The following OPN5 variants were observed in gnomAD, a reference collection of about 807,000 sequenced individuals.
OPN5 encodes opsin 5.
In OPN5, 18 loss-of-function variants were observed where a neutral mutation model predicts 41.7. The observed-to-expected ratio is 0.43, with a 90% CI of 0.30 to 0.64. The LOEUF is 0.64. OPN5 is among the 30% of genes least tolerant of loss of function. The pLI, the probability that OPN5 is intolerant of heterozygous loss-of-function variation, is 0.13. For missense variants in OPN5, 318 were observed against 434.5 expected, an observed-to-expected ratio of 0.73 and a Z score of 2.38; for synonymous variants, 178 against 164.3, an observed-to-expected ratio of 1.08 and a Z score of -0.64.
intron 6 of OPN5, chr6:47,823,469 G>A (rs73473772): frequency 0.27 from 42,453 of 155,196 alleles, 5,921 homozygotes; most frequent in South Asian, 0.29. Context: ...GGACAGATGT[G>A]CTGATCCCTG....
intron 2 of OPN5, 148 bp from the exon 3 acceptor site, chr6:47,791,654 A>G: frequency 1.6e-6 from 1 of 619,972 alleles, no homozygotes; most frequent in East Asian, 2.8e-5. Flanking sequence ...CTGGGCTTTT[A>G]TTAATCTAGG....
chr6:47,789,098 C>T (rs2113952146), intron 2 of OPN5, among the ~76,000 whole-genome samples: 1 of 152,194 alleles, frequency 6.6e-6, no homozygotes, highest in Non-Finnish European at 1.5e-5. Flanking sequence ...CAGATGTAAT[C>T]TTACTCCATT....
chr6:47,826,220 C>T (rs1762786705), downstream of OPN5: 1 of 152,102 alleles, frequency 6.6e-6, no homozygotes, highest in Non-Finnish European at 1.5e-5. Flanking sequence ...CCACCTCTTT[C>T]CTTCCCCATC....
At chr6:47,811,269 C>A (rs562535148) in intron 5 of OPN5, among the ~76,000 whole-genome samples, 12 of 152,262 alleles carry the variant, frequency 7.9e-5, no homozygotes, top group African/African-American at 2.9e-4. Context: ...GAGAACAAAG[C>A]TGCAAACTCT....
At chr6:47,822,352 A>C (rs1041372625) in intron 6 of OPN5, among the ~76,000 whole-genome samples, 5 of 152,174 alleles carry the variant, frequency 3.3e-5, no homozygotes, top group Admixed American at 3.3e-4. Context: ...GATGGTGGCT[A>C]GCAGGAAGAA....
At chr6:47,791,433 GCAA>G (rs1236703344) in intron 2 of OPN5, among the ~76,000 whole-genome samples, 4 of 152,150 alleles carry the variant, frequency 2.6e-5, no homozygotes, top group Admixed American at 6.5e-5. Context: ...ATGAAAGACT[GCAA>G]CAACATGTTA....
chr6:47,812,626 T>C (rs897135510), intron 6 of OPN5, among the ~76,000 whole-genome samples: 4 of 152,164 alleles, frequency 2.6e-5, no homozygotes, highest in South Asian at 2.1e-4. Context: ...GTAGATACTA[T>C]GTCCAAATAG....
chr6:47,821,377 G>A (rs1196307971), intron 6 of OPN5, among the ~76,000 whole-genome samples: 1 of 152,214 alleles, frequency 6.6e-6, no homozygotes, highest in Admixed American at 6.5e-5. Flanking sequence ...GACATGAAGA[G>A]GCAATCCCCG....
intron 2 of OPN5, among the ~76,000 whole-genome samples, chr6:47,791,135 A>G (rs528580466): frequency 2.0e-5 from 3 of 152,034 alleles, no homozygotes; most frequent in Non-Finnish European, 4.4e-5. Flanking sequence ...ATTTTCTGGA[A>G]GTTTTATTAT....
rs910218113 is a variant in OPN5 at position 47,801,681 on chromosome 6, G to A, written c.756+6118G>A. 3.6e-4 allele frequency among the ~76,000 whole-genome samples: 55 copies of A among 152,174 alleles called. 1 individual carries two copies. The highest frequency in any genetic ancestry group is 2.1e-4 in the South Asian group (1 of 4,812). On this transcript the variant is annotated intron_variant, in intron 4 of 6. Transcript: ENST00000371211. ...TACAATGTTTCATTGCAGCCTTTAC[G>A]TTATCTTCTTGGAACATATCACAAT...
intron 3 of OPN5, among the ~76,000 whole-genome samples, chr6:47,792,338 T>C (rs1261187459): frequency 3.3e-5 from 5 of 152,208 alleles, no homozygotes; most frequent in East Asian, 1.9e-4. Context: ...CTAGGAAGTG[T>C]AATTATAAGA....
chr6:47,803,028 T>C (rs902105381), intron 4 of OPN5, among the ~76,000 whole-genome samples: 8 of 152,184 alleles, frequency 5.3e-5, no homozygotes, highest in East Asian at 1.9e-4. Flanking sequence ...AGATGGAAGG[T>C]ACACCAAAGA....
chr6:47,795,782 A>T (rs200019198), intron 4 of OPN5, among the ~76,000 whole-genome samples: 256 of 43,284 alleles, frequency 5.9e-3, no homozygotes, highest in South Asian at 0.017. Context: ...TCTCTCTCAC[A>T]CACACACACA....
At chr6:47,795,641 G>C (rs936219428) in intron 4 of OPN5, 78 bp downstream of exon 4, 4 of 936,676 alleles carry the variant, frequency 4.3e-6, no homozygotes, top group Non-Finnish European at 6.7e-6. Flanking sequence ...GGGAACGTTG[G>C]AGACTGAGAG....
intron 2 of OPN5, chr6:47,787,025 A>C (rs1773213408): frequency 1.0e-6 from 1 of 985,390 alleles, no homozygotes; most frequent in Non-Finnish European, 1.2e-6. Context: ...ATTAAAATAA[A>C]CATCAACAAA....
chr6:47,789,121 C>T (rs1294570754), intron 2 of OPN5, among the ~76,000 whole-genome samples: 3 of 152,144 alleles, frequency 2.0e-5, no homozygotes, highest in Non-Finnish European at 4.4e-5. Context: ...GTCACTTTCA[C>T]TTGTCTTTTT....
At chr6:47,805,842 T>G (rs1278288325) in intron 4 of OPN5, among the ~76,000 whole-genome samples, 1 of 152,210 alleles carries the variant, frequency 6.6e-6, no homozygotes, top group East Asian at 1.9e-4. Flanking sequence ...ATTGTTATTT[T>G]GCTTCTTAAA....
At chr6:47,811,692 A>C in exon 6 of OPN5, 1 of 1,612,602 alleles carries the variant, frequency 6.2e-7, no homozygotes, top group Non-Finnish European at 8.5e-7. Flanking sequence ...CCGTAACCAC[A>C]GTCAGGAAGT....
At chr6:47,791,398 A>T in intron 2 of OPN5, among the ~76,000 whole-genome samples, 1 of 152,146 alleles carries the variant, frequency 6.6e-6, no homozygotes, top group East Asian at 1.9e-4. Context: ...GATTTTATTC[A>T]TTTCCCCTTT....
Sources: gnomAD v4.1 joint callset for allele counts (sites outside exome capture counted in the v4.1 genomes callset) on GRCh38, gnomAD v4.1.1 for gene constraint, MANE v1.5 for transcripts, NCBI Gene and HGNC (gene_info 2026-07-23, HGNC 2026-07-21) for gene names.